GRIN2B: variants seen among roughly 807,000 people sequenced by gnomAD.
GRIN2B encodes glutamate ionotropic receptor NMDA type subunit 2B.
A neutral mutation model predicts 114.5 loss-of-function variants in GRIN2B; 5 were observed. The observed-to-expected ratio is 0.04, with a 90% confidence interval of 0.02 to 0.09. The LOEUF is 0.09. GRIN2B is among the 10% of genes least tolerant of loss of function. The probability of loss-of-function intolerance (pLI) is 1.00; values close to 1 mark genes in which losing one functional copy is unlikely to be tolerated. For missense variants in GRIN2B, 1,108 were observed against 1,943.5 expected (o/e 0.57, Z 8.08); for synonymous variants, 787 against 745.1 (o/e 1.06, Z -0.92).
At chr12:13,839,512 A>G (rs2136713014) in intron 3 of GRIN2B, among the ~76,000 whole-genome samples, 1 of 152,372 alleles carries the variant, frequency 6.6e-6, no homozygotes, top group Non-Finnish European at 1.5e-5. Flanking sequence ...ATGATTGTGC[A>G]GTGCTTATAG....
chr12:13,579,525 G>A (rs1018049565), intron 10 of GRIN2B, among the ~76,000 whole-genome samples: 9 of 152,284 alleles, frequency 5.9e-5, no homozygotes, highest in African/African-American at 1.9e-4. Flanking sequence ...CACAGTGCCT[G>A]GCTGATAAAT....
intron 5 of GRIN2B, among the ~76,000 whole-genome samples, chr12:13,631,286 C>T (rs749571274): frequency 6.6e-6 from 1 of 152,124 alleles, no homozygotes; most frequent in Admixed American, 6.6e-5. Context: ...AGATTTTCGC[C>T]AAGAGCATGA....
Position 13,769,226 on chromosome 12 carries a change from C to A in GRIN2B, c.412-15311G>T, listed in dbSNP as rs543098741. On this transcript the variant is annotated intron_variant, in intron 3 of 13. Coordinates refer to ENST00000609686, the MANE Select transcript of GRIN2B (RefSeq NM_000834.5). ...AGCTAAGGTGAGAGTCAGGTTTAGT[C>A]CCCTGGCCTGAGACAGGGGACAGAG... Among the ~76,000 whole-genome samples the A allele has an allele frequency of 1.0e-3, 158 of 152,132 alleles. 1 individual carries two copies. The highest frequency in any genetic ancestry group is 3.3e-3 in the Admixed American group (51 of 15,296).
chr12:13,935,963 T>TG (rs1867121572), intron 2 of GRIN2B, among the ~76,000 whole-genome samples: 1 of 152,204 alleles, frequency 6.6e-6, no homozygotes, highest in African/African-American at 2.4e-5. Context: ...GACAATTTCC[T>TG]GACAGAGAGC....
chr12:13,661,451 C>T (rs1015731802), intron 5 of GRIN2B, among the ~76,000 whole-genome samples: 2 of 152,208 alleles, frequency 1.3e-5, no homozygotes, highest in African/African-American at 4.8e-5. Flanking sequence ...CGTGTGCTTG[C>T]ATTTCCAAGG....
At chr12:13,889,173 G>A (rs1866215773) in intron 2 of GRIN2B, among the ~76,000 whole-genome samples, 1 of 152,062 alleles carries the variant, frequency 6.6e-6, no homozygotes, top group Non-Finnish European at 1.5e-5. Flanking sequence ...CATTAGGCTA[G>A]TTCTACACAG....
At chr12:13,835,318 C>T (rs1445602100) in intron 3 of GRIN2B, among the ~76,000 whole-genome samples, 2 of 152,130 alleles carry the variant, frequency 1.3e-5, no homozygotes, top group Non-Finnish European at 2.9e-5. Flanking sequence ...ACAGAAAAAG[C>T]TGAGGCGCAT....
intron 5 of GRIN2B, among the ~76,000 whole-genome samples, chr12:13,654,006 T>C (rs1328633036): frequency 2.0e-5 from 3 of 152,182 alleles, no homozygotes; most frequent in Non-Finnish European, 4.4e-5. Context: ...TATGCAACTC[T>C]GCTACCTCCT....
chr12:13,583,744 T>C (rs1228671179), intron 10 of GRIN2B, among the ~76,000 whole-genome samples: 1 of 151,892 alleles, frequency 6.6e-6, no homozygotes, highest in African/African-American at 2.4e-5. Flanking sequence ...GCAAGCGAAA[T>C]AGCATGAGAA....
chr12:13,821,776 A>T (rs1864943346), intron 3 of GRIN2B, among the ~76,000 whole-genome samples: 1 of 152,172 alleles, frequency 6.6e-6, no homozygotes, highest in Admixed American at 6.5e-5. Flanking sequence ...CAATCTAGTG[A>T]ACTATTGAAT....
chr12:13,831,098 T>C (rs1044700264), intron 3 of GRIN2B, among the ~76,000 whole-genome samples: 4 of 152,202 alleles, frequency 2.6e-5, no homozygotes, highest in African/African-American at 9.6e-5. Context: ...TGCACCTTCC[T>C]GCTTCCGCTC....
rs36031537 is a variant in GRIN2B at position 13,753,823 on chromosome 12, G to T, written c.504C>A (p.Ile168=). 4,874 of 1,613,522 alleles carry T rather than the reference G, an allele frequency of 3.0e-3. 123 individuals carry two copies. In the African/African-American group the frequency reaches 0.058, roughly 19 times the overall value. The change falls in exon 4 of 14, where the codon ATC becomes ATA. Residue 168 remains isoleucine, a synonymous_variant. Coordinates refer to ENST00000609686, the MANE Select transcript of GRIN2B (RefSeq NM_000834.5). The surrounding 1 kb of genome is among the most constrained non-coding windows in gnomAD (Gnocchi z 6.2). ...LNIMEEYDWY[I]FSIVTTYFPG... ...GGAAATAGGTGGTGACGATAGAAAA[G>T]ATGTACCAGTCATATTCTTCCATGA...
intron 3 of GRIN2B, among the ~76,000 whole-genome samples, chr12:13,818,518 A>T (rs1023760859): frequency 6.6e-6 from 1 of 152,250 alleles, no homozygotes; most frequent in Non-Finnish European, 1.5e-5. Flanking sequence ...CAGAAAGTAT[A>T]TATTTCTCAT....
chr12:13,790,338 T>C (rs1490526229), intron 3 of GRIN2B, among the ~76,000 whole-genome samples: 2 of 152,220 alleles, frequency 1.3e-5, no homozygotes, highest in Admixed American at 6.5e-5. Context: ...CTTCAGACTT[T>C]CCTGTCCCAC....
intron 3 of GRIN2B, among the ~76,000 whole-genome samples, chr12:13,779,561 A>C (rs191447272): frequency 4.2e-4 from 64 of 152,380 alleles, no homozygotes; most frequent in Admixed American, 8.5e-4. Context: ...TAATATATCT[A>C]AAATATTAAT....
At chr12:13,747,376 A>G (rs765610557) in intron 4 of GRIN2B, among the ~76,000 whole-genome samples, 4 of 152,244 alleles carry the variant, frequency 2.6e-5, no homozygotes, top group Non-Finnish European at 4.4e-5. Context: ...TCGTCCTCCC[A>G]TTCAATGATT....
chr12:13,723,133 T>A (rs1354196976), intron 4 of GRIN2B, among the ~76,000 whole-genome samples: 2 of 68,656 alleles, frequency 2.9e-5, no homozygotes, highest in East Asian at 1.5e-3. Context: ...TGCTTACACC[T>A]TTTTTTTTTG....
chr12:13,657,090 A>G (rs1382181997), intron 5 of GRIN2B, among the ~76,000 whole-genome samples: 3 of 152,180 alleles, frequency 2.0e-5, no homozygotes, highest in Non-Finnish European at 2.9e-5. Context: ...GGAGAGCAGG[A>G]GAGGGGCCTG....
intron 5 of GRIN2B, among the ~76,000 whole-genome samples, chr12:13,674,085 C>A (rs957551712): frequency 4.6e-5 from 7 of 152,026 alleles, no homozygotes; most frequent in Admixed American, 2.6e-4. Flanking sequence ...GCAGGCCAAG[C>A]GCAGTGGCAC....
Sources: gnomAD v4.1 joint callset for allele counts (sites outside exome capture counted in the v4.1 genomes callset) on GRCh38, gnomAD v4.1.1 for gene constraint, Gnocchi (gnomAD v3.1) non-coding constraint, MANE v1.5 for transcripts, NCBI Gene and HGNC (gene_info 2026-07-23, HGNC 2026-07-21) for gene names.